PTPRD: variants seen among roughly 807,000 people sequenced by gnomAD.
PTPRD encodes protein tyrosine phosphatase receptor type D.
In PTPRD, 34 loss-of-function variants were observed where a neutral mutation model predicts 214.5. That is an observed-to-expected ratio of 0.16 (90% confidence interval 0.12 to 0.21). The LOEUF is 0.21. Ranked by LOEUF, PTPRD falls within the 10% of genes least tolerant of loss-of-function variation. The pLI is 1.00. For synonymous variants in PTPRD, 1,128 were observed against 845.7 expected, an observed-to-expected ratio of 1.33 and a Z score of -5.79; for missense variants, 2,545 against 2,398.7, an observed-to-expected ratio of 1.06 and a Z score of -1.27.
At chr9:10,465,245 C>A (rs1448953808) in intron 2 of PTPRD, among the ~76,000 whole-genome samples, 2 of 152,110 alleles carry the variant, frequency 1.3e-5, no homozygotes, top group South Asian at 4.1e-4. Context: ...TTGCTTATAA[C>A]AACAGCATAT....
intron 21 of PTPRD, among the ~76,000 whole-genome samples, chr9:8,510,849 T>C (rs1183358950): frequency 1.3e-5 from 2 of 152,108 alleles, no homozygotes; most frequent in African/African-American, 4.8e-5. Flanking sequence ...ATTCCCAACA[T>C]ATTGGTCCTA....
At chr9:8,869,447 C>A (rs1196892865) in intron 11 of PTPRD, among the ~76,000 whole-genome samples, 1 of 152,018 alleles carries the variant, frequency 6.6e-6, no homozygotes, top group Non-Finnish European at 1.5e-5. Context: ...TTTTAAGGCT[C>A]CTAATAATTT....
At chr9:10,213,561 T>G (rs2099526802) in intron 3 of PTPRD, among the ~76,000 whole-genome samples, 1 of 152,146 alleles carries the variant, frequency 6.6e-6, no homozygotes. Context: ...GATATAGTAT[T>G]TCATTACGTT....
At chr9:10,038,895 A>G (rs2097243055) in intron 3 of PTPRD, among the ~76,000 whole-genome samples, 1 of 151,986 alleles carries the variant, frequency 6.6e-6, no homozygotes, top group African/African-American at 2.4e-5. Flanking sequence ...GATTGTTTTA[A>G]CAATTATTGC....
chr9:9,233,164 G>T (rs1436988490), intron 9 of PTPRD, among the ~76,000 whole-genome samples: 2 of 152,120 alleles, frequency 1.3e-5, no homozygotes, highest in African/African-American at 4.8e-5. Flanking sequence ...TTGACTCCCA[G>T]TTCCACAAAG....
At chr9:9,622,766 T>G (rs1241677978) in intron 7 of PTPRD, among the ~76,000 whole-genome samples, 1 of 152,256 alleles carries the variant, frequency 6.6e-6, no homozygotes, top group Non-Finnish European at 1.5e-5. Context: ...GCATACATTT[T>G]GCATACTTGG....
Position 9,400,092 on chromosome 9 carries a change from G to GTTT in PTPRD, c.-236-2613_-236-2611dup, listed in dbSNP as rs3048790. ...AGTGTGGACCTAACTTTACCTACTA[G>GTTT]TTTTTTTTTTTTTTTTTTGGACTGG... On this transcript the variant is annotated intron_variant, in intron 8 of 45. Transcript: ENST00000381196. Among the ~76,000 whole-genome samples the GTTT allele has an allele frequency of 1.3e-4, 13 of 101,084 alleles. 6 individuals carry two copies. Among genetic ancestry groups the GTTT allele is most frequent in the Non-Finnish European group, 1.8e-4 (9 of 50,752 alleles). The allele number at this position is 101,084 out of a possible 152,430, so 66.3% of individuals were successfully genotyped here.
chr9:9,792,219 C>T (rs984379161), intron 5 of PTPRD, among the ~76,000 whole-genome samples: 2 of 152,028 alleles, frequency 1.3e-5, no homozygotes, highest in African/African-American at 4.8e-5. Flanking sequence ...TTTTCCAAAT[C>T]CACAGTTCCT....
chr9:8,821,233 C>T (rs1462169585), intron 11 of PTPRD, among the ~76,000 whole-genome samples: 5 of 152,144 alleles, frequency 3.3e-5, no homozygotes, highest in Non-Finnish European at 7.4e-5. Flanking sequence ...TGGTAGCTGG[C>T]CACATACATG....
At chr9:10,451,828 C>G (rs2130862409) in intron 2 of PTPRD, among the ~76,000 whole-genome samples, 1 of 152,066 alleles carries the variant, frequency 6.6e-6, no homozygotes, top group Admixed American at 6.5e-5. Flanking sequence ...ACTATCTGAA[C>G]AAAATGAGAC....
intron 4 of PTPRD, among the ~76,000 whole-genome samples, chr9:9,993,072 T>C (rs1473317490): frequency 6.6e-6 from 1 of 152,198 alleles, no homozygotes; most frequent in Non-Finnish European, 1.5e-5. Context: ...TTTAAAAGTA[T>C]CAACTAAAGC....
At chr9:9,576,569 T>A (rs918749996) in intron 7 of PTPRD, among the ~76,000 whole-genome samples, 1 of 152,172 alleles carries the variant, frequency 6.6e-6, no homozygotes, top group African/African-American at 2.4e-5. Context: ...ATCAATGAAT[T>A]AGAGTGACCT....
chr9:8,525,127 T>C (rs1224213429), intron 17 of PTPRD, 92 bp from the exon 18 acceptor site: 3 of 1,106,592 alleles, frequency 2.7e-6, no homozygotes, highest in Non-Finnish European at 4.1e-6. Flanking sequence ...TGAAAAGCCC[T>C]GCAAAGCGAA....
intron 11 of PTPRD, among the ~76,000 whole-genome samples, chr9:8,837,443 A>C (rs748137809): frequency 2.0e-5 from 3 of 152,222 alleles, no homozygotes; most frequent in Non-Finnish European, 4.4e-5. Context: ...ATTTTAATTA[A>C]AGTCAAAATA....
Position 10,225,047 on chromosome 9 carries a change from T to C in PTPRD, c.-545+115916A>G, listed in dbSNP as rs530953603. 1.5e-4 allele frequency among the ~76,000 whole-genome samples: 23 copies of C among 152,112 alleles called. No individual in the cohort carries two copies. In the East Asian group the frequency reaches 4.1e-3, roughly 27 times the overall value. ...CAAAAGTTATACATAGATTTCTGAC[T>C]GTGTGAGGGTCAGCACTTCTAACCT... On this transcript the variant is annotated intron_variant, in intron 3 of 45. Transcript: ENST00000381196.
intron 10 of PTPRD, among the ~76,000 whole-genome samples, chr9:9,146,939 C>G (rs78230319): frequency 6.6e-6 from 1 of 152,012 alleles, no homozygotes; most frequent in Non-Finnish European, 1.5e-5. Context: ...AATAAGGTCA[C>G]CCAAAACATT....
intron 3 of PTPRD, among the ~76,000 whole-genome samples, chr9:10,129,555 A>G (rs1161383232): frequency 1.7e-5 from 2 of 120,834 alleles, no homozygotes; most frequent in Non-Finnish European, 3.3e-5. Flanking sequence ...TTCCTTCTCC[A>G]TTGTCTACCA....
intron 35 of PTPRD, among the ~76,000 whole-genome samples, chr9:8,428,101 C>A (rs552645117): frequency 6.6e-6 from 1 of 152,268 alleles, no homozygotes; most frequent in African/African-American, 2.4e-5. Context: ...ACAGTTTGAG[C>A]TAGGGGCCAA....
At chr9:8,434,163 G>C (rs1230950855) in intron 35 of PTPRD, among the ~76,000 whole-genome samples, 1 of 152,108 alleles carries the variant, frequency 6.6e-6, no homozygotes, top group Non-Finnish European at 1.5e-5. Flanking sequence ...TGTATTTTTA[G>C]TAGAGACGGG....
Sources: allele counts gnomAD v4.1 joint callset (sites outside exome capture counted in the v4.1 genomes callset), GRCh38; gene constraint gnomAD v4.1.1; transcripts MANE v1.5; gene names NCBI Gene and HGNC (gene_info 2026-07-23, HGNC 2026-07-21).